Variants in SULF1 observed in about 807,000 individuals in gnomAD.
SULF1 encodes sulfatase 1, also known as extracellular sulfatase Sulf-1.
Under a neutral mutation model 110.5 loss-of-function variants are expected in SULF1, and 46 were observed. The ratio of observed to expected loss-of-function variants is 0.42; its 90% CI spans 0.33 to 0.53. The LOEUF (loss-of-function observed/expected upper bound fraction) is 0.53. SULF1 is among the 20% of genes least tolerant of loss of function. The pLI is 0.12. For synonymous variants in SULF1, 371 were observed against 387.1 expected, an observed-to-expected ratio of 0.96 and a Z score of 0.49; for missense variants, 941 against 1,094.2, an observed-to-expected ratio of 0.86 and a Z score of 1.98.
chr8:69,624,473 C>T (rs189685761), intron 15 of SULF1, among the ~76,000 whole-genome samples: 74 of 152,328 alleles, frequency 4.9e-4, no homozygotes, highest in Admixed American at 1.4e-3. Context: ...GGAATCCAGC[C>T]GGAGTAATTC....
chr8:69,645,377 C>T (rs761211420), intron 22 of SULF1, among the ~76,000 whole-genome samples: 10 of 152,082 alleles, frequency 6.6e-5, no homozygotes, highest in South Asian at 2.1e-4. Context: ...CCCCAGGCTG[C>T]GGAATGAAAT....
At chr8:69,588,668 C>T (rs1052429260) in intron 7 of SULF1, among the ~76,000 whole-genome samples, 5 of 152,128 alleles carry the variant, frequency 3.3e-5, no homozygotes, top group Non-Finnish European at 7.3e-5. Flanking sequence ...GTACTTTTAT[C>T]GCCAGATTAA....
At chr8:69,509,431 T>C (rs1448218791) in intron 3 of SULF1, among the ~76,000 whole-genome samples, 3 of 152,208 alleles carry the variant, frequency 2.0e-5, no homozygotes, top group Non-Finnish European at 4.4e-5. Context: ...ATGAAAAATC[T>C]TTACTGGCTT....
intron 6 of SULF1, among the ~76,000 whole-genome samples, chr8:69,580,608 G>T (rs1211351596): frequency 6.6e-6 from 1 of 152,066 alleles, no homozygotes; most frequent in Non-Finnish European, 1.5e-5. Flanking sequence ...TATACTCATG[G>T]TAATTATAAT....
chr8:69,628,789 A>AT (rs1386565763), intron 18 of SULF1, among the ~76,000 whole-genome samples: 3 of 152,212 alleles, frequency 2.0e-5, no homozygotes, highest in African/African-American at 7.2e-5. Context: ...TTGTCAAAGA[A>AT]TTTTTTAAAC....
At chr8:69,499,747 C>T (rs765025862) in intron 2 of SULF1, among the ~76,000 whole-genome samples, 6 of 152,146 alleles carry the variant, frequency 3.9e-5, no homozygotes, top group Admixed American at 6.5e-5. Flanking sequence ...TTATACCACA[C>T]ATTATTATTA....
rs148986580 is a variant in SULF1 at position 69,597,952 on chromosome 8, G to A, written c.735-2651G>A. 6.0e-3 allele frequency among the ~76,000 whole-genome samples: 906 copies of A among 152,186 alleles called. 8 individuals carry two copies. The highest frequency in any genetic ancestry group is 0.021 in the African/African-American group (857 of 41,504). Reference sequence around the variant, plus strand: ...TCATGGGCAAAAAACCCTTTTTGAGGGGATTTAGTAGCCCCTCTCTCCTCC... The same window carrying A: ...TCATGGGCAAAAAACCCTTTTTGAGAGGATTTAGTAGCCCCTCTCTCCTCC... On this transcript the variant is annotated intron_variant, in intron 8 of 22. Transcript: ENST00000402687.
Position 69,540,717 on chromosome 8 carries a change from T to C in SULF1, c.-133-22822T>C, listed in dbSNP as rs190107597. ...TGGATGTTCTTGCTGTAGGATCATATTTTAGGGCTCCACTTGAGATACATA... is the reference window on the plus strand; with the variant it reads ...TGGATGTTCTTGCTGTAGGATCATACTTTAGGGCTCCACTTGAGATACATA... On this transcript the variant is annotated intron_variant, in intron 3 of 22. Transcript: ENST00000402687. Among the ~76,000 whole-genome samples the C allele has an allele frequency of 1.4e-4, 21 of 152,312 alleles. No homozygotes were observed. In the East Asian group the frequency reaches 3.7e-3, roughly 27 times the overall value.
chr8:69,485,512 C>A (rs1020921469), intron 1 of SULF1, among the ~76,000 whole-genome samples: 8 of 152,310 alleles, frequency 5.3e-5, no homozygotes, highest in South Asian at 4.1e-4. Context: ...CAGGCTCCAG[C>A]CTTAGCCTCA....
At chr8:69,635,488 CTCAT>C (rs1810921048) in intron 19 of SULF1, among the ~76,000 whole-genome samples, 1 of 152,198 alleles carries the variant, frequency 6.6e-6, no homozygotes. Context: ...AAAATCATTT[CTCAT>C]TCATTGTTTA....
chr8:69,588,829 C>G, intron 7 of SULF1, 143 bp from the exon 8 acceptor site: 3 of 672,088 alleles, frequency 4.5e-6, no homozygotes, highest in Non-Finnish European at 7.2e-6. Flanking sequence ...TGTTCGGCTG[C>G]CTTGGGAGGT....
intron 8 of SULF1, among the ~76,000 whole-genome samples, chr8:69,597,776 C>T (rs973586336): frequency 6.6e-6 from 1 of 152,182 alleles, no homozygotes; most frequent in Non-Finnish European, 1.5e-5. Context: ...CCCAGCCCAA[C>T]ATCAAAGGCA....
chr8:69,541,682 A>T (rs147728134), intron 3 of SULF1, among the ~76,000 whole-genome samples: 220 of 152,382 alleles, frequency 1.4e-3, no homozygotes, highest in African/African-American at 5.0e-3. Flanking sequence ...AAATGCTCAC[A>T]GGTAGAAAAG....
chr8:69,580,545 A>G (rs1805992511), intron 6 of SULF1, among the ~76,000 whole-genome samples: 1 of 152,176 alleles, frequency 6.6e-6, no homozygotes, highest in African/African-American at 2.4e-5. Context: ...TTGGCCTAGA[A>G]TGATTCCTAA....
chr8:69,473,818 T>A (rs1809192785), intron 1 of SULF1, among the ~76,000 whole-genome samples: 1 of 152,246 alleles, frequency 6.6e-6, no homozygotes, highest in African/African-American at 2.4e-5. Context: ...CAGATGCTAG[T>A]TCTGTTGCTA....
chr8:69,503,957 G>A lies in SULF1; in HGVS notation c.-134+1989G>A, dbSNP rs191290978. Among the ~76,000 whole-genome samples, 930 of 152,042 alleles carry A rather than the reference G, an allele frequency of 6.1e-3. 36 individuals carry two copies. The highest frequency in any genetic ancestry group is 0.048 in the Admixed American group (727 of 15,276). ...TGGAACTACAGACACGTGCCACCAC[G>A]CCTGGTTAATTTTTGTATTTTTAGT... On this transcript the variant is annotated intron_variant, in intron 3 of 22. Coordinates refer to ENST00000402687, the MANE Select transcript of SULF1 (RefSeq NM_001128205.2).
rs918893804 is a variant in SULF1 at position 69,659,026 on chromosome 8, G to A, written c.*491G>A. 10 of 457,118 alleles carry A rather than the reference G, an allele frequency of 2.2e-5. No individual in the cohort carries two copies. The highest frequency in any genetic ancestry group is 3.2e-4 in the Middle Eastern group (1 of 3,100). The allele number at this position is 457,118 out of a possible 1,614,324, so 28.3% of individuals were successfully genotyped here. A position where few individuals can be genotyped will look rare whatever the true frequency, so the allele number is the denominator to read the frequency against. On this transcript the variant is annotated 3_prime_UTR_variant, in exon 23 of 23. Transcript: ENST00000402687. ...TCATCTGGAAACCGATTTCAGTGGC[G>A]ATGGCATGACAGAGCTAGAGCTCGG... is the stretch of plus-strand genomic sequence containing the variant.
chr8:69,561,019 G>A (rs1586405008), intron 3 of SULF1, among the ~76,000 whole-genome samples: 2 of 152,308 alleles, frequency 1.3e-5, no homozygotes, highest in East Asian at 3.9e-4. Context: ...GTTCTAGTGA[G>A]ACAGGAGGAA....
intron 13 of SULF1, among the ~76,000 whole-genome samples, chr8:69,611,570 A>C (rs1303703057): frequency 1.3e-5 from 2 of 152,224 alleles, no homozygotes; most frequent in Non-Finnish European, 2.9e-5. Flanking sequence ...CAAAGATGTG[A>C]ATATGGTCTT....
Sources: gnomAD v4.1 joint callset for allele counts (sites outside exome capture counted in the v4.1 genomes callset) on GRCh38, gnomAD v4.1.1 for gene constraint, MANE v1.5 for transcripts, NCBI Gene and HGNC (gene_info 2026-07-23, HGNC 2026-07-21) for gene names.